Variants in FHIP1B observed in about 807,000 individuals in gnomAD.
FHIP1B encodes the protein FHF complex subunit HOOK-interacting protein 1B.
FHIP1B carries 28 observed loss-of-function variants against 82.2 expected under a neutral mutation model. The ratio of observed to expected loss-of-function variants is 0.34; its 90% CI spans 0.25 to 0.47. The LOEUF (loss-of-function observed/expected upper bound fraction) is 0.47. Ranked by LOEUF, FHIP1B falls within the 20% of genes least tolerant of loss-of-function variation. The probability of loss-of-function intolerance (pLI) is 1.00; values close to 1 mark genes in which losing one functional copy is unlikely to be tolerated. For synonymous variants in FHIP1B, 585 were observed against 516.1 expected, an observed-to-expected ratio of 1.13 and a Z score of -1.81; for missense variants, 1,110 against 1,262.6, an observed-to-expected ratio of 0.88 and a Z score of 1.83.
chr11:6,223,073 G>A lies in FHIP1B; in HGVS notation c.936+7C>T, dbSNP rs768823662. 2 of 1,577,608 alleles carry A rather than the reference G, an allele frequency of 1.3e-6. No homozygotes were observed. Among genetic ancestry groups the A allele is most frequent in the Non-Finnish European group, 8.6e-7 (1 of 1,163,432 alleles). On this transcript the variant is annotated splice_region_variant and intron_variant, in intron 4 of 11. Transcript: ENST00000449352. The surrounding 1 kb of genome is among the most constrained non-coding windows in gnomAD (Gnocchi z 4.8). ...AAAATGACCAAGGGCCAGACTTTCA[G>A]TCCTACCTGAATTACTGCATTGCAG...
chr11:6,233,543 G>A (rs1170851177), intron 1 of FHIP1B, among the ~76,000 whole-genome samples: 1 of 152,206 alleles, frequency 6.6e-6, no homozygotes, highest in Non-Finnish European at 1.5e-5. Context: ...TTTCACAGAT[G>A]TGTACACATG....
At chr11:6,212,066 AGAGT>A in intron 11 of FHIP1B, 199 bp from the exon 12 acceptor site, 1 of 641,856 alleles carries the variant, frequency 1.6e-6, no homozygotes. Context: ...TCTGAGGAGT[AGAGT>A]GAGGAGTTCT....
rs61876722 is a variant in FHIP1B, at chr11:6,218,323, T to C, written c.1436-173A>G. On this transcript the variant is annotated intron_variant, in intron 8 of 11. Transcript: ENST00000449352. The stretch of plus-strand genomic sequence containing the variant: ...CCTTATCCTCATCCACCACCCCCAC[T>C]CACCACCATCACCACTGAAGACACA... Among the ~76,000 whole-genome samples the C allele has an allele frequency of 7.6e-3, 1,148 of 152,042 alleles. 13 individuals are homozygous for C. Among genetic ancestry groups the C allele is most frequent in the Non-Finnish European group, 9.7e-3 (659 of 67,958 alleles).
intron 10 of FHIP1B, 44 bp from the exon 11 acceptor site, chr11:6,214,617 G>C (rs757169746): frequency 4.2e-5 from 67 of 1,577,332 alleles, no homozygotes; most frequent in Non-Finnish European, 5.8e-5. Flanking sequence ...GCTCTAGACT[G>C]ATACAGTCCT....
chr11:6,218,788 C>A, intron 7 of FHIP1B, 25 bp from the exon 8 acceptor site: 3 of 1,612,790 alleles, frequency 1.9e-6, no homozygotes, highest in Non-Finnish European at 2.5e-6. Context: ...AGAAAGGGGA[C>A]ACAGGGTAGA....
At chr11:6,211,924 TGA>T (rs1847085112) in intron 11 of FHIP1B, 57 bp from the exon 12 acceptor site, 1 of 1,484,244 alleles carries the variant, frequency 6.7e-7, no homozygotes, top group Admixed American at 2.4e-5. Flanking sequence ...TCCCTTGGAC[TGA>T]GAGGGGAGAT....
In FHIP1B at chr11:6,211,742, C is replaced by A; in HGVS notation, c.2683G>T (p.Gly895Trp). ...GGAGTTGAAGCCCCAGGGGAGCCCCCACTTAGGCCAAGTCCTGCTCCGTCT... is the reference window on the plus strand; with the variant it reads ...GGAGTTGAAGCCCCAGGGGAGCCCCAACTTAGGCCAAGTCCTGCTCCGTCT... Reference protein sequence around the residue: ...GRDGAGLGLSGGSPGASTPVL... With the variant: ...GRDGAGLGLSWGSPGASTPVL... Residue 895 changes from glycine (G) to tryptophan (W), a missense_variant, in exon 12 of 12, where the codon GGG (glycine) becomes TGG (tryptophan). Coordinates refer to ENST00000449352, the MANE Select transcript of FHIP1B (RefSeq NM_001098794.2). 2 of 1,614,232 alleles carry A rather than the reference C, an allele frequency of 1.2e-6. No homozygotes were observed. Among genetic ancestry groups the A allele is most frequent in the South Asian group, 2.2e-5 (2 of 91,084 alleles).
intron 9 of FHIP1B, chr11:6,216,584 G>A (rs1847233400): frequency 6.4e-6 from 1 of 156,040 alleles, no homozygotes; most frequent in African/African-American, 2.4e-5. Context: ...TTCCTGGCCT[G>A]AGGTTTAGAA....
rs146871349 is a variant in FHIP1B at position 6,211,702 on chromosome 11, C to T, written c.2723G>A (p.Arg908Gln). The stretch of plus-strand genomic sequence containing the variant: ...ACCTTGGCGTTCAGGGGCCCCGCCC[C>T]GGGTGAGTAGAACTGGAGTTGAAGC... ...PGASTPVLLT[R>Q]GGAPERQGEA... The change falls in exon 12 of 12, where the codon CGG (arginine) becomes CAG (glutamine). Residue 908 changes from arginine to glutamine, a missense_variant. This residue lies in a region of FHIP1B where 147 missense variants were observed against 154.0 expected (regional missense o/e 0.95). Transcript: ENST00000449352. 572 of 1,614,190 alleles carry T rather than the reference C, an allele frequency of 3.5e-4. No homozygotes were observed. The highest frequency in any genetic ancestry group is 6.5e-4 in the Admixed American group (39 of 60,020).
chr11:6,224,357 C>G (rs201369644), intron 2 of FHIP1B, 22 bp downstream of exon 2: 1 of 1,614,052 alleles, frequency 6.2e-7, no homozygotes, highest in African/African-American at 1.3e-5. Context: ...CAGACAAGGC[C>G]CTTTGCCATA....
rs568638290 is a variant in FHIP1B, at chr11:6,223,029, C to G, written c.936+51G>C. The G allele has an allele frequency of 1.5e-5, 23 of 1,574,472 alleles. No homozygotes were observed. In the East Asian group the frequency reaches 1.8e-4, roughly 12 times the overall value. On this transcript the variant is annotated intron_variant, in intron 4 of 11. Coordinates refer to ENST00000449352, the MANE Select transcript of FHIP1B (RefSeq NM_001098794.2). This position sits in a 1 kb window ranked among gnomAD's most constrained non-coding sequence, Gnocchi z 4.8. The stretch of plus-strand genomic sequence containing the variant: ...TGACAGAACTCCAGGGAATATACCC[C>G]CTCCTACCTAATCTCCCAAAAATGA...
rs374437866 is a variant in FHIP1B at position 6,214,921 on chromosome 11, G to C, written c.2216-10C>G. ...ACAGCCATGAAGGGGCCTGGGTTGG[G>C]GGGGAGGTGGGCACAAGGATACAAA... On this transcript the variant is annotated splice_polypyrimidine_tract_variant and intron_variant, in intron 9 of 11. Transcript: ENST00000449352. 3.2e-5 allele frequency: 49 copies of C among 1,541,204 alleles called. No individual in the cohort carries two copies. The highest frequency in any genetic ancestry group is 6.9e-5 in the African/African-American group (5 of 72,634).
At chr11:6,212,403 A>G (rs562559534) in intron 11 of FHIP1B, among the ~76,000 whole-genome samples, 2 of 152,266 alleles carry the variant, frequency 1.3e-5, no homozygotes, top group East Asian at 3.9e-4. Flanking sequence ...CTGCTCCTAC[A>G]ATATCCACAG....
intron 1 of FHIP1B, among the ~76,000 whole-genome samples, chr11:6,231,098 A>T (rs1214956331): frequency 6.6e-6 from 1 of 152,220 alleles, no homozygotes; most frequent in Non-Finnish European, 1.5e-5. Context: ...TAAGACAAAA[A>T]ATTGTTTTAA....
rs1237868596 is a variant in FHIP1B at position 6,217,549 on chromosome 11, C to G, written c.2037G>C (p.Arg679=). 1.9e-6 allele frequency: 3 copies of G among 1,609,856 alleles called. No homozygotes were observed. The highest frequency in any genetic ancestry group is 2.5e-6 in the Non-Finnish European group (3 of 1,177,446). ...CATTGCTCAATGCCACCTCTAGCTC[C>G]CGGAGCTCCTGCCCAAAGCCCTCTA... The part of the protein sequence containing the change: ...AGLEGFGQEL[R]ELEVALSNGG... Residue 679 remains arginine, a synonymous_variant, in exon 9 of 12, where the codon CGG becomes CGC. Transcript: ENST00000449352.
At chr11:6,219,185 ACC>A in intron 6 of FHIP1B, 135 bp from the exon 7 acceptor site, 1 of 642,760 alleles carries the variant, frequency 1.6e-6, no homozygotes, top group Non-Finnish European at 2.8e-6. Flanking sequence ...AGGACCATGT[ACC>A]ATGCCTGGCA....
chr11:6,224,194 C>T lies in FHIP1B; in HGVS notation c.193G>A (p.Asp65Asn). The T allele has an allele frequency of 1.9e-6, 3 of 1,612,566 alleles. No individual in the cohort carries two copies. The South Asian group carries it at 3.3e-5, about 18-fold the overall frequency. Reference protein sequence around the residue: ...GPRAAPGGADDLSAVRNHTYQ... With the variant: ...GPRAAPGGADNLSAVRNHTYQ... ...GTGTGGTTGCGCACAGCACTGAGAT[C>T]GTCTGCACCCCCAGGAGCTGCCCGA... is the stretch of plus-strand genomic sequence containing the variant. Residue 65 changes from aspartate to asparagine, a missense_variant, in exon 3 of 12, where the codon GAT becomes AAT. Asp to Asn is a conservative substitution (Grantham distance 23, BLOSUM62 1). This residue lies in a region of FHIP1B where 467 missense variants were observed against 602.9 expected (regional missense o/e 0.77). Transcript: ENST00000449352.
In FHIP1B at chr11:6,224,196, T is replaced by C; in HGVS notation, c.191A>G (p.Asp64Gly). ...QGPRAAPGGA[D>G]DLSAVRNHTY... is the part of the protein sequence containing the mutation. ...GTGGTTGCGCACAGCACTGAGATCGTCTGCACCCCCAGGAGCTGCCCGAGG... is the reference window on the plus strand; with the variant it reads ...GTGGTTGCGCACAGCACTGAGATCGCCTGCACCCCCAGGAGCTGCCCGAGG... Residue 64 changes from aspartate (D) to glycine (G), a missense_variant, in exon 3 of 12, where the codon GAC (aspartate) becomes GGC (glycine). Coordinates refer to ENST00000449352, the MANE Select transcript of FHIP1B (RefSeq NM_001098794.2). 2.5e-6 allele frequency: 4 copies of C among 1,612,728 alleles called. No individual in the cohort carries two copies. The highest frequency in any genetic ancestry group is 2.5e-6 in the Non-Finnish European group (3 of 1,179,270).
intron 1 of FHIP1B, among the ~76,000 whole-genome samples, chr11:6,228,165 C>G (rs546213896): frequency 8.5e-4 from 130 of 152,096 alleles, no homozygotes; most frequent in African/African-American, 2.8e-3. Flanking sequence ...CTGACCAACA[C>G]GGTGAAACCC....
Sources: gnomAD v4.1 joint callset for allele counts (sites outside exome capture counted in the v4.1 genomes callset) on GRCh38, gnomAD v4.1.1 for gene constraint, gnomAD v4.1.1 regional missense constraint, Gnocchi (gnomAD v3.1) non-coding constraint, MANE v1.5 for transcripts, NCBI Gene and HGNC (gene_info 2026-07-23, HGNC 2026-07-21) for gene names.